GRID1: variants seen among roughly 807,000 people sequenced by gnomAD.
GRID1 encodes glutamate receptor ionotropic, delta-1.
Under a neutral mutation model 98.0 loss-of-function variants are expected in GRID1, and 28 were observed. That is an observed-to-expected ratio of 0.29 (90% confidence interval 0.21 to 0.39). The LOEUF is 0.39. Among genes scored for constraint, GRID1 ranks in the 10% least tolerant of loss-of-function variants. GRID1 has a pLI of 1.00. For missense variants in GRID1, 1,111 were observed against 1,340.5 expected (o/e 0.83, Z 2.67); for synonymous variants, 553 against 538.5 (o/e 1.03, Z -0.37).
At chr10:85,851,902 C>T (rs988083712) in intron 8 of GRID1, among the ~76,000 whole-genome samples, 15 of 151,992 alleles carry the variant, frequency 9.9e-5, no homozygotes, top group Non-Finnish European at 2.2e-4. Flanking sequence ...TTTTTTCTCC[C>T]TTATGTGAAT....
intron 8 of GRID1, among the ~76,000 whole-genome samples, chr10:85,772,151 A>C (rs1842276454): frequency 6.6e-6 from 1 of 152,100 alleles, no homozygotes; most frequent in East Asian, 1.9e-4. Flanking sequence ...TCAAACTAGA[A>C]CTCAGGATTA....
At chr10:85,988,303 TC>T (rs1489452421) in intron 4 of GRID1, among the ~76,000 whole-genome samples, 2 of 152,164 alleles carry the variant, frequency 1.3e-5, no homozygotes, top group Non-Finnish European at 2.9e-5. Context: ...GTACTTTGTG[TC>T]CCCTACCCTT....
At chr10:86,329,131 C>T (rs938562956) in intron 2 of GRID1, among the ~76,000 whole-genome samples, 1 of 152,220 alleles carries the variant, frequency 6.6e-6, no homozygotes, top group Non-Finnish European at 1.5e-5. Context: ...TTGCCTCCCA[C>T]ATGCAGGGAC....
intron 12 of GRID1, among the ~76,000 whole-genome samples, chr10:85,703,225 T>A (rs1841473374): frequency 6.6e-6 from 1 of 152,144 alleles, no homozygotes; most frequent in Non-Finnish European, 1.5e-5. Context: ...TCAGATATGC[T>A]GTCTCAGAAA....
intron 15 of GRID1, among the ~76,000 whole-genome samples, chr10:85,611,526 C>T (rs1467369322): frequency 1.3e-5 from 2 of 152,148 alleles, no homozygotes; most frequent in African/African-American, 4.8e-5. Flanking sequence ...ACAGAGGAAA[C>T]CAGGTTGAAG....
intron 8 of GRID1, among the ~76,000 whole-genome samples, chr10:85,844,631 A>T (rs930408544): frequency 3.3e-5 from 5 of 152,124 alleles, no homozygotes; most frequent in African/African-American, 1.2e-4. Flanking sequence ...ACTGCATGTA[A>T]ATCTATACCA....
chr10:86,347,650 G>A (rs977116342), intron 2 of GRID1, among the ~76,000 whole-genome samples: 2 of 152,208 alleles, frequency 1.3e-5, no homozygotes, highest in Admixed American at 6.5e-5. Context: ...GTGTGGAGAC[G>A]GAGGCAGAGT....
chr10:85,678,336 G>T (rs1215789958), intron 12 of GRID1, among the ~76,000 whole-genome samples: 1 of 152,150 alleles, frequency 6.6e-6, no homozygotes, highest in South Asian at 2.1e-4. Context: ...CCAAAGGCTG[G>T]ACATAATTCC....
rs779416947 is a variant in GRID1 at position 86,151,103 on chromosome 10, C to G, written c.521-12079G>C. On this transcript the variant is annotated intron_variant, in intron 3 of 15. Transcript: ENST00000327946. ...ACCCTCATGTCTTGCCCGAGTTTAT[C>G]TAGCCTAGGAAGGTGCTCAAATCCA... is the stretch of plus-strand genomic sequence containing the variant. Among the ~76,000 whole-genome samples the G allele has an allele frequency of 1.4e-4, 21 of 152,186 alleles. No homozygotes were observed. In the South Asian group the frequency reaches 2.7e-3, roughly 19 times the overall value.
intron 8 of GRID1, among the ~76,000 whole-genome samples, chr10:85,820,635 T>C (rs1248656770): frequency 6.6e-6 from 1 of 152,242 alleles, no homozygotes; most frequent in African/African-American, 2.4e-5. Context: ...GGGAAGTACA[T>C]CAAATAATTA....
At chr10:86,299,915 C>A (rs1327648624) in intron 2 of GRID1, among the ~76,000 whole-genome samples, 1 of 152,180 alleles carries the variant, frequency 6.6e-6, no homozygotes, top group Non-Finnish European at 1.5e-5. Context: ...CCTGCCTGGA[C>A]CTGGCCCAGT....
chr10:86,174,874 A>C (rs1394808548), intron 3 of GRID1, among the ~76,000 whole-genome samples: 1 of 152,188 alleles, frequency 6.6e-6, no homozygotes, highest in Admixed American at 6.5e-5. Flanking sequence ...TTATGCAGCC[A>C]AAAAACACAT....
At chr10:85,911,490 T>C (rs1389760453) in intron 5 of GRID1, among the ~76,000 whole-genome samples, 1 of 152,138 alleles carries the variant, frequency 6.6e-6, no homozygotes, top group African/African-American at 2.4e-5. Flanking sequence ...CCTCCTCCCT[T>C]TTTAGAAGTC....
At chr10:85,768,278 C>CA (rs1294052592) in intron 8 of GRID1, among the ~76,000 whole-genome samples, 1 of 151,696 alleles carries the variant, frequency 6.6e-6, no homozygotes, top group Non-Finnish European at 1.5e-5. Flanking sequence ...GGATGAATTC[C>CA]AAAAAATCAA....
At chr10:86,246,023 A>G (rs1846721091) in intron 2 of GRID1, among the ~76,000 whole-genome samples, 1 of 152,264 alleles carries the variant, frequency 6.6e-6, no homozygotes, top group African/African-American at 2.4e-5. Context: ...AAGCTGGGGC[A>G]GGCACCCATG....
intron 12 of GRID1, among the ~76,000 whole-genome samples, chr10:85,705,749 C>CTTA (rs1189439643): frequency 6.6e-6 from 1 of 152,152 alleles, no homozygotes; most frequent in African/African-American, 2.4e-5. Context: ...CATCAAAAAG[C>CTTA]TTACCCACCA....
chr10:86,156,338 C>G (rs929525975), intron 3 of GRID1, among the ~76,000 whole-genome samples: 2 of 152,222 alleles, frequency 1.3e-5, no homozygotes, highest in African/African-American at 4.8e-5. Flanking sequence ...CTGGCCACAG[C>G]TCATTAGTCC....
chr10:85,733,090 A>T (rs1841843236), intron 8 of GRID1, among the ~76,000 whole-genome samples: 1 of 152,230 alleles, frequency 6.6e-6, no homozygotes, highest in Non-Finnish European at 1.5e-5. Context: ...TCCATAAGCC[A>T]GTTTTTCCCA....
chr10:85,830,621 G>A (rs1057502331), intron 8 of GRID1, among the ~76,000 whole-genome samples: 4 of 151,852 alleles, frequency 2.6e-5, no homozygotes, highest in African/African-American at 7.3e-5. Context: ...GAATTTACAA[G>A]CAAAAGACAA....
Sources: gnomAD v4.1 joint callset for allele counts (sites outside exome capture counted in the v4.1 genomes callset) on GRCh38, gnomAD v4.1.1 for gene constraint, MANE v1.5 for transcripts, NCBI Gene and HGNC (gene_info 2026-07-23, HGNC 2026-07-21) for gene names.